Variants in FCHSD2 observed in about 807,000 individuals in gnomAD.
FCHSD2 encodes FCH and double SH3 domains 2.
A neutral mutation model predicts 108.1 loss-of-function variants in FCHSD2; 38 were observed. The ratio of observed to expected loss-of-function variants is 0.35; its 90% CI spans 0.27 to 0.46. FCHSD2 has a LOEUF of 0.46. Ranked by LOEUF, FCHSD2 falls within the 20% of genes least tolerant of loss-of-function variation. The pLI is 1.00. For missense variants in FCHSD2, 751 were observed against 897.8 expected, an observed-to-expected ratio of 0.84 and a Z score of 2.09; for synonymous variants, 279 against 314.7, an observed-to-expected ratio of 0.89 and a Z score of 1.20.
intron 2 of FCHSD2, among the ~76,000 whole-genome samples, chr11:73,117,282 T>C (rs989324144): frequency 2.6e-5 from 4 of 152,136 alleles, no homozygotes; most frequent in Admixed American, 6.6e-5. Context: ...GTAACCAAGT[T>C]TGGACAAGCA....
At chr11:72,946,097 A>G (rs982511100) in intron 8 of FCHSD2, among the ~76,000 whole-genome samples, 5 of 152,274 alleles carry the variant, frequency 3.3e-5, no homozygotes, top group South Asian at 4.1e-4. Flanking sequence ...ACATGCATAC[A>G]TATGTTTATT....
chr11:72,868,048 C>T (rs767189488), intron 12 of FCHSD2, 22 bp from the exon 13 acceptor site: 23 of 1,544,332 alleles, frequency 1.5e-5, no homozygotes, highest in South Asian at 3.6e-5. Context: ...AGAAAATGGT[C>T]GGAAATCAAG....
In FCHSD2 at chr11:72,919,253, G is replaced by A. The variant is rs183224290; in HGVS notation, c.828+2575C>T. 1.1e-3 allele frequency among the ~76,000 whole-genome samples: 164 copies of A among 152,184 alleles called. 1 individual carries two copies. The highest frequency in any genetic ancestry group is 3.4e-3 in the Middle Eastern group (1 of 292). On this transcript the variant is annotated intron_variant, in intron 9 of 19. Coordinates refer to ENST00000409418, the MANE Select transcript of FCHSD2 (RefSeq NM_014824.3). Reference sequence around the variant, plus strand: ...ACTTGTAGGCCTCTTCTGGTACTTGGAACAAAAGGGCACTACATTATTCTT... The same window carrying A: ...ACTTGTAGGCCTCTTCTGGTACTTGAAACAAAAGGGCACTACATTATTCTT...
At chr11:73,070,813 A>T (rs1859419235) in intron 3 of FCHSD2, among the ~76,000 whole-genome samples, 1 of 152,146 alleles carries the variant, frequency 6.6e-6, no homozygotes, top group Admixed American at 6.5e-5. Flanking sequence ...TTAATAACTA[A>T]CCAACACCTC....
intron 10 of FCHSD2, among the ~76,000 whole-genome samples, chr11:72,899,655 C>A (rs1282078336): frequency 1.4e-5 from 2 of 144,544 alleles, no homozygotes; most frequent in Non-Finnish European, 3.0e-5. Context: ...AAGGACTGCT[C>A]GAGCCCAGGA....
At chr11:73,062,595 A>G (rs920640037) in intron 3 of FCHSD2, among the ~76,000 whole-genome samples, 4 of 152,198 alleles carry the variant, frequency 2.6e-5, no homozygotes, top group Non-Finnish European at 2.9e-5. Context: ...GAGAACATAA[A>G]TGACCCGATG....
chr11:73,011,232 G>A (rs1399514991), intron 4 of FCHSD2, among the ~76,000 whole-genome samples: 1 of 152,138 alleles, frequency 6.6e-6, no homozygotes, highest in East Asian at 1.9e-4. Context: ...TGCCAGCCAT[G>A]GTAGGCAGGG....
At chr11:72,947,983 G>A (rs1856550040) in intron 8 of FCHSD2, among the ~76,000 whole-genome samples, 1 of 151,898 alleles carries the variant, frequency 6.6e-6, no homozygotes, top group South Asian at 2.1e-4. Context: ...ACATCGTTTG[G>A]GTATCATACA....
At chr11:73,117,462 C>T (rs1860631398) in intron 2 of FCHSD2, among the ~76,000 whole-genome samples, 1 of 152,194 alleles carries the variant, frequency 6.6e-6, no homozygotes, top group South Asian at 2.1e-4. Flanking sequence ...CACTACCTTT[C>T]AATCTGTCCT....
chr11:72,897,987 C>T (rs528223492), intron 10 of FCHSD2, among the ~76,000 whole-genome samples: 2 of 152,304 alleles, frequency 1.3e-5, no homozygotes, highest in Admixed American at 1.3e-4. Context: ...AAATCAGTAA[C>T]TCTCTTATGG....
intron 2 of FCHSD2, among the ~76,000 whole-genome samples, chr11:73,094,515 T>C (rs1040213106): frequency 6.6e-6 from 1 of 152,156 alleles, no homozygotes; most frequent in Non-Finnish European, 1.5e-5. Context: ...CAGTTGTCCA[T>C]CAATGGGATC....
chr11:73,126,096 CT>C (rs779540949), intron 2 of FCHSD2, among the ~76,000 whole-genome samples: 11 of 151,974 alleles, frequency 7.2e-5, no homozygotes, highest in Non-Finnish European at 1.5e-4. Context: ...AATCCCAGCA[CT>C]TTGGGAGGCC....
chr11:72,984,283 T>C, intron 7 of FCHSD2, 67 bp from the exon 8 acceptor site: 2 of 1,490,500 alleles, frequency 1.3e-6, no homozygotes, highest in Non-Finnish European at 1.9e-6. Context: ...ATAGGAATCC[T>C]ACTCTTAGTT....
At chr11:72,845,770 C>A (rs559756707) in intron 14 of FCHSD2, among the ~76,000 whole-genome samples, 2 of 152,332 alleles carry the variant, frequency 1.3e-5, no homozygotes, top group South Asian at 4.1e-4. Flanking sequence ...TCTTTCCTAT[C>A]TGATGAGCAG....
chr11:72,897,243 G>C (rs1450077381), intron 10 of FCHSD2, among the ~76,000 whole-genome samples: 1 of 150,450 alleles, frequency 6.6e-6, no homozygotes, highest in Admixed American at 6.6e-5. Context: ...ATAAGGTATA[G>C]TTGTCCTTCC....
chr11:72,985,994 T>C (rs1857303353), intron 6 of FCHSD2, among the ~76,000 whole-genome samples: 1 of 152,108 alleles, frequency 6.6e-6, no homozygotes. Flanking sequence ...TGAAGTAAAG[T>C]TGCTGGCCAG....
chr11:72,899,560 C>A (rs1855484954), intron 10 of FCHSD2, among the ~76,000 whole-genome samples: 1 of 151,502 alleles, frequency 6.6e-6, no homozygotes, highest in Admixed American at 6.6e-5. Context: ...TGGTGACATC[C>A]CCTCTCTACC....
In FCHSD2 at chr11:72,902,669, T is replaced by TC. The variant is rs567338214; in HGVS notation, c.829-32_829-31insG. On this transcript the variant is annotated intron_variant, in intron 9 of 19. Transcript: ENST00000409418. ...GAGAAAATAAAATATCTTTAGGTCT[T>TC]TAATGAGGTTAAAATGTCCAATTAC... The TC allele has an allele frequency of 3.7e-6, 5 of 1,343,808 alleles. No homozygotes were observed. In the South Asian group the frequency reaches 6.4e-5, roughly 17 times the overall value. The allele number at this position is 1,343,808 out of a possible 1,614,324, so 83.2% of individuals were successfully genotyped here.
At chr11:72,947,907 T>C (rs1282068143) in intron 8 of FCHSD2, among the ~76,000 whole-genome samples, 1 of 152,232 alleles carries the variant, frequency 6.6e-6, no homozygotes, top group African/African-American at 2.4e-5. Flanking sequence ...TTTTAATCAG[T>C]TAATACAGTG....
Sources: gnomAD v4.1 joint callset for allele counts (sites outside exome capture counted in the v4.1 genomes callset) on GRCh38, gnomAD v4.1.1 for gene constraint, MANE v1.5 for transcripts, NCBI Gene and HGNC (gene_info 2026-07-23, HGNC 2026-07-21) for gene names.